The following ZDHHC9 variants were observed in gnomAD, a reference collection of about 807,000 sequenced individuals.
The protein encoded by ZDHHC9 is palmitoyltransferase ZDHHC9.
In ZDHHC9, 3 loss-of-function variants were observed where a neutral mutation model predicts 26.6. The ratio of observed to expected loss-of-function variants is 0.11; its 90% CI spans 0.05 to 0.29. ZDHHC9 has a LOEUF of 0.29. Ranked by LOEUF, ZDHHC9 falls within the 10% of genes least tolerant of loss-of-function variation. The pLI, the probability that ZDHHC9 is intolerant of heterozygous loss-of-function variation, is 1.00. For missense variants in ZDHHC9, 146 were observed against 296.4 expected (o/e 0.49, Z 3.73); for synonymous variants, 111 against 109.4 (o/e 1.01, Z -0.09).
intron 5 of ZDHHC9, among the ~76,000 whole-genome samples, chrX:129,818,771 T>C (rs1039415403): frequency 1.1e-4 from 12 of 111,896 alleles, no homozygotes; most frequent in African/African-American, 3.9e-4. Flanking sequence ...TATAGCAAAA[T>C]GGAGAGTGAA....
At chrX:129,828,846 T>G (rs1015747514) in intron 4 of ZDHHC9, 135 bp downstream of exon 4, 8 of 874,778 alleles carry the variant, frequency 9.1e-6, no homozygotes, top group Admixed American at 4.5e-5. Context: ...GGGGTAGTCA[T>G]GATCTCAGAT....
chrX:129,832,726 T>A (rs1383895843), intron 3 of ZDHHC9, among the ~76,000 whole-genome samples: 1 of 110,486 alleles, frequency 9.1e-6, no homozygotes, highest in East Asian at 2.8e-4. Context: ...GAGCTTGCAG[T>A]GAGCGGAGAT....
intron 10 of ZDHHC9, among the ~76,000 whole-genome samples, chrX:129,810,033 T>C: frequency 1.0e-5 from 1 of 95,474 alleles, no homozygotes; most frequent in East Asian, 3.3e-4. Flanking sequence ...ATGTGAATCA[T>C]ATCTCAATAA....
chrX:129,840,372 C>T (rs192501195), intron 3 of ZDHHC9, among the ~76,000 whole-genome samples: 21 of 111,209 alleles, frequency 1.9e-4, no homozygotes, highest in African/African-American at 5.2e-4. Flanking sequence ...AGAAGCAGGA[C>T]AGGAATGAGG....
At chrX:129,834,516 TA>T (rs892479918) in intron 3 of ZDHHC9, among the ~76,000 whole-genome samples, 1 of 111,794 alleles carries the variant, frequency 8.9e-6, no homozygotes, top group African/African-American at 3.3e-5. Context: ...CCAGTAGCAA[TA>T]AAGAAAATTA....
intron 5 of ZDHHC9, among the ~76,000 whole-genome samples, chrX:129,820,976 G>A (rs1927869923): frequency 1.8e-5 from 2 of 110,607 alleles, no homozygotes; most frequent in Non-Finnish European, 3.8e-5. Flanking sequence ...CCCTCCCTGT[G>A]TCCATGTGTT....
chrX:129,815,436 T>A (rs955136737), intron 5 of ZDHHC9, among the ~76,000 whole-genome samples: 18 of 112,092 alleles, frequency 1.6e-4, no homozygotes, highest in African/African-American at 5.8e-4. Context: ...AAAAACAAAG[T>A]GAATCCATAA....
rs759214896 is a variant in ZDHHC9 at position 129,811,532 on chromosome X, G to A, written c.778-23C>T. 1.0e-5 allele frequency: 11 copies of A among 1,094,761 alleles called. No homozygotes were observed. In the Admixed American group the frequency reaches 1.1e-4, roughly 11 times the overall value. 90.2% of individuals were successfully genotyped at this position (1,094,761 alleles called of 1,213,427 possible). A position where few individuals can be genotyped will look rare whatever the true frequency, so the allele number is the denominator to read the frequency against. On this transcript the variant is annotated intron_variant, in intron 8 of 10. Transcript: ENST00000357166. The stretch of plus-strand genomic sequence containing the variant: ...GATCTGCAAGATAAAAACCAAGGCT[G>A]ACATTAAAAATAATGTTAAAATGAA...
At chrX:129,829,589 G>A (rs1405430860) in intron 3 of ZDHHC9, among the ~76,000 whole-genome samples, 1 of 111,856 alleles carries the variant, frequency 8.9e-6, no homozygotes, top group Non-Finnish European at 1.9e-5. Flanking sequence ...GAGAAAAGAT[G>A]AGGACCAACC....
At position 129,810,990 on chromosome X, in the gene ZDHHC9, C is replaced by T. The variant is rs869312679; in HGVS notation, c.893G>A (p.Arg298Gln). Residue 298 changes from arginine to glutamine, a missense_variant, in exon 10 of 11, where the codon CGA (arginine) becomes CAA (glutamine). Arg to Gln is a conservative substitution (Grantham distance 43). Transcript: ENST00000357166. Reference sequence around the variant, plus strand: ...TTCCTCCAGTGGCAAAATACCCCTTCGATCCAGCACACTGAAGGAGATAAG... The same window carrying T: ...TTCCTCCAGTGGCAAAATACCCCTTTGATCCAGCACACTGAAGGAGATAAG... ...CGPLPPSVLDRRGILPLEESG... is the reference protein window; with the variant it reads ...CGPLPPSVLDQRGILPLEESG... 8.3e-7 allele frequency: 1 copy of T among 1,209,351 alleles called. No homozygotes were observed. The highest frequency in any genetic ancestry group is 2.2e-5 in the Admixed American group (1 of 45,942).
At chrX:129,812,970 G>T in intron 7 of ZDHHC9, 150 bp from the exon 8 acceptor site, 1 of 491,662 alleles carries the variant, frequency 2.0e-6, no homozygotes, top group Non-Finnish European at 3.6e-6. Flanking sequence ...GATGAATTCT[G>T]AACTTACTGG....
Position 129,841,787 on chromosome X carries a change from G to A in ZDHHC9, c.159C>T (p.Phe53=), listed in dbSNP as rs2124141125. The change falls in exon 3 of 11, where the codon TTC becomes TTT. Residue 53 remains phenylalanine (F), a synonymous_variant. Transcript: ENST00000357166. The part of the protein sequence containing the change: ...FLILGTCTLF[F]AFECRYLAVQ... ...ACTCAACCGAAACTCACTCAAAGGCGAAGAAGAGTGTACATGTCCCCAGGA... is the reference window on the plus strand; with the variant it reads ...ACTCAACCGAAACTCACTCAAAGGCAAAGAAGAGTGTACATGTCCCCAGGA... The A allele has an allele frequency of 1.2e-5, 15 of 1,211,690 alleles. No homozygotes were observed. Among genetic ancestry groups the A allele is most frequent in the African/African-American group, 1.7e-5 (1 of 57,754 alleles).
At chrX:129,834,357 C>T (rs765696049) in intron 3 of ZDHHC9, among the ~76,000 whole-genome samples, 29 of 101,318 alleles carry the variant, frequency 2.9e-4, no homozygotes, top group African/African-American at 1.4e-3. Context: ...GTAGAACCAC[C>T]CATTAAGACT....
chrX:129,806,654 C>T (rs775620284), intron 10 of ZDHHC9, among the ~76,000 whole-genome samples, 168 bp from the exon 11 acceptor site: 4 of 112,251 alleles, frequency 3.6e-5, no homozygotes, highest in East Asian at 5.5e-4. Context: ...ATCGTCTTCT[C>T]GGCAGAACAC....
chrX:129,824,287 C>T (rs1159578001), intron 4 of ZDHHC9, among the ~76,000 whole-genome samples: 1 of 109,954 alleles, frequency 9.1e-6, no homozygotes, highest in Non-Finnish European at 1.9e-5. Context: ...TGCTACTAAA[C>T]TTTTTTTTTC....
intron 7 of ZDHHC9, 83 bp from the exon 8 acceptor site, chrX:129,812,903 C>T (rs751378024): frequency 2.5e-4 from 163 of 640,711 alleles, no homozygotes; most frequent in Admixed American, 7.4e-4. Context: ...CCAGTCAGAC[C>T]ATCTTTACCT....
At position 129,814,804 on chromosome X, in the gene ZDHHC9, G is replaced by A. The variant is rs113127450; in HGVS notation, c.488-9C>T. ...GTGATGGTCGAAGCGCTCTGTGGGA[G>A]AAAGAGAGAGTCCAAAGCCAAAAGC... On this transcript the variant is annotated splice_polypyrimidine_tract_variant and intron_variant, in intron 5 of 10. Coordinates refer to ENST00000357166, the MANE Select transcript of ZDHHC9 (RefSeq NM_016032.4). 4 of 1,208,559 alleles carry A rather than the reference G, an allele frequency of 3.3e-6. No homozygotes were observed. In the African/African-American group the frequency reaches 5.3e-5, roughly 16 times the overall value.
rs759964839 is a variant in ZDHHC9 at position 129,804,052 on chromosome X, T to A, written c.*2318A>T. On this transcript the variant is annotated 3_prime_UTR_variant, in exon 11 of 11. Transcript: ENST00000357166. The stretch of plus-strand genomic sequence containing the variant: ...GCAGAAAATCATTTCACACTAGAGA[T>A]AAGAGATTTCCACTTTGACCCTTCC... 1 of 111,394 alleles carries A rather than the reference T, an allele frequency of 9.0e-6. No individual in the cohort carries two copies. Among genetic ancestry groups the A allele is most frequent in the East Asian group, 2.8e-4 (1 of 3,544 alleles). 9.2% of individuals were successfully genotyped at this position (111,394 alleles called of 1,213,427 possible).
intron 5 of ZDHHC9, among the ~76,000 whole-genome samples, chrX:129,821,858 G>A (rs1927895604): frequency 9.1e-6 from 1 of 110,400 alleles, no homozygotes; most frequent in Non-Finnish European, 1.9e-5. Flanking sequence ...GGAGGTGGAG[G>A]TTGCAGTGAG....
Sources: allele counts gnomAD v4.1 joint callset (sites outside exome capture counted in the v4.1 genomes callset), GRCh38; gene constraint gnomAD v4.1.1; transcripts MANE v1.5; gene names NCBI Gene and HGNC (gene_info 2026-07-23, HGNC 2026-07-21).